Variants in PARVA observed in about 807,000 individuals in gnomAD.
PARVA encodes alpha-parvin.
A neutral mutation model predicts 52.6 loss-of-function variants in PARVA; 25 were observed. That is an observed-to-expected ratio of 0.48 (90% CI 0.35 to 0.66). The LOEUF (loss-of-function observed/expected upper bound fraction) is 0.66, where lower values mean the gene tolerates loss of function less well. Among genes scored for constraint, PARVA ranks in the 30% least tolerant of loss-of-function variants. PARVA has a pLI of 0.01. For synonymous variants in PARVA, 185 were observed against 179.1 expected, an observed-to-expected ratio of 1.03 and a Z score of -0.26; for missense variants, 373 against 450.9, an observed-to-expected ratio of 0.83 and a Z score of 1.56.
chr11:12,491,472 A>C (rs898216298), intron 4 of PARVA, among the ~76,000 whole-genome samples: 1 of 152,144 alleles, frequency 6.6e-6, no homozygotes, highest in African/African-American at 2.4e-5. Flanking sequence ...CCCAGCTGAG[A>C]TAGTTTTAAT....
At chr11:12,395,014 C>T (rs1286306597) in intron 1 of PARVA, among the ~76,000 whole-genome samples, 3 of 151,528 alleles carry the variant, frequency 2.0e-5, no homozygotes, top group Admixed American at 6.6e-5. Flanking sequence ...TCGCTTGAAC[C>T]CGGGAGGTGG....
chr11:12,418,512 G>A (rs1940102248), intron 1 of PARVA, among the ~76,000 whole-genome samples: 1 of 152,202 alleles, frequency 6.6e-6, no homozygotes, highest in African/African-American at 2.4e-5. Context: ...TTTAGCGGGT[G>A]GGTTGTTGGC....
intron 4 of PARVA, among the ~76,000 whole-genome samples, chr11:12,494,087 G>A (rs1322417683): frequency 6.6e-6 from 1 of 152,196 alleles, no homozygotes; most frequent in Non-Finnish European, 1.5e-5. Flanking sequence ...CTATTATAAA[G>A]GATAAAACTC....
Position 12,477,903 on chromosome 11 carries a change from C to G in PARVA, c.354C>G (p.Asp118Glu). The G allele has an allele frequency of 3.7e-6, 6 of 1,611,266 alleles. No individual in the cohort carries two copies. Among genetic ancestry groups the G allele is most frequent in the Non-Finnish European group, 5.1e-6 (6 of 1,177,498 alleles). The part of the protein sequence containing the change: ...VLVGERIIVK[D>E]LAEDLYDGQV... ...TTGGAGAAAGAATCATTGTGAAAGA[C>G]CTAGCTGAAGATTTGTATGATGGAC... The change falls in exon 4 of 13, where the codon GAC becomes GAG. Residue 118 changes from aspartate (D) to glutamate (E), a missense_variant. Coordinates refer to ENST00000334956, the MANE Select transcript of PARVA (RefSeq NM_018222.5).
chr11:12,442,281 G>A (rs1940477736), intron 1 of PARVA, among the ~76,000 whole-genome samples: 1 of 152,234 alleles, frequency 6.6e-6, no homozygotes, highest in Non-Finnish European at 1.5e-5. Context: ...AGCATCAAAT[G>A]GAGATCACAA....
chr11:12,470,213 C>T (rs1940914801), intron 1 of PARVA, among the ~76,000 whole-genome samples: 1 of 152,220 alleles, frequency 6.6e-6, no homozygotes, highest in Non-Finnish European at 1.5e-5. Context: ...ATAACCTGTG[C>T]AGTTGAAGGG....
intron 10 of PARVA, 146 bp from the exon 11 acceptor site, chr11:12,517,464 C>T: frequency 1.5e-6 from 1 of 650,030 alleles, no homozygotes; most frequent in Non-Finnish European, 2.8e-6. Flanking sequence ...ACCTCCTTGT[C>T]TCGGGCCACT....
At chr11:12,415,564 T>C (rs1940055311) in intron 1 of PARVA, among the ~76,000 whole-genome samples, 1 of 152,002 alleles carries the variant, frequency 6.6e-6, no homozygotes. Context: ...ATGGCCAGAC[T>C]TTACTCTCAA....
chr11:12,410,119 G>A (rs1564840574), intron 1 of PARVA, among the ~76,000 whole-genome samples: 2 of 152,298 alleles, frequency 1.3e-5, no homozygotes, highest in Non-Finnish European at 1.5e-5. Context: ...ATTGATCCAG[G>A]AGGGCAGGAG....
At chr11:12,480,977 A>G (rs957564473) in intron 4 of PARVA, among the ~76,000 whole-genome samples, 1 of 151,988 alleles carries the variant, frequency 6.6e-6, no homozygotes, top group Non-Finnish European at 1.5e-5. Flanking sequence ...CCCTCTGGCT[A>G]TTTTTCGTGT....
At chr11:12,427,061 A>G (rs1345296793) in intron 1 of PARVA, among the ~76,000 whole-genome samples, 1 of 152,254 alleles carries the variant, frequency 6.6e-6, no homozygotes, top group Non-Finnish European at 1.5e-5. Context: ...AGCAAACAGC[A>G]TGAGAAAGAA....
rs893371160 is a variant in PARVA, at chr11:12,534,122, C to T, written c.*6197C>T. ...GGCAGAGGTTGCAATGAGCTGAGAT[C>T]GCATCACTGCACTCAAGCCTGGGCA... On this transcript the variant is annotated 3_prime_UTR_variant, in exon 13 of 13. Transcript: ENST00000334956. Among the ~76,000 whole-genome samples, 2 of 152,032 alleles carry T rather than the reference C, an allele frequency of 1.3e-5. No individual in the cohort carries two copies. The highest frequency in any genetic ancestry group is 2.1e-4 in the South Asian group (1 of 4,822).
At chr11:12,504,864 ATACT>A (rs1589983656) in intron 6 of PARVA, among the ~76,000 whole-genome samples, 1 of 152,016 alleles carries the variant, frequency 6.6e-6, no homozygotes, top group Non-Finnish European at 1.5e-5. Flanking sequence ...TAAACAAATG[ATACT>A]TAGGTATGGG....
At chr11:12,400,768 A>G (rs1939815954) in intron 1 of PARVA, among the ~76,000 whole-genome samples, 1 of 152,130 alleles carries the variant, frequency 6.6e-6, no homozygotes, top group African/African-American at 2.4e-5. Context: ...GGAATTTCTG[A>G]CATATTTTTG....
chr11:12,474,062 C>G, intron 3 of PARVA, 79 bp downstream of exon 3: 2 of 1,090,084 alleles, frequency 1.8e-6, no homozygotes, highest in Non-Finnish European at 2.8e-6. Flanking sequence ...TGTGCAGGTA[C>G]CCCACGAGCC....
intron 4 of PARVA, among the ~76,000 whole-genome samples, chr11:12,489,429 C>T (rs769703121): frequency 6.6e-6 from 1 of 151,850 alleles, no homozygotes; most frequent in Non-Finnish European, 1.5e-5. Context: ...GAGAAATTAC[C>T]CAGAATCCAG....
In PARVA at chr11:12,528,799, T is replaced by C. The variant is rs1489187068; in HGVS notation, c.*874T>C. 7.2e-5 allele frequency: 11 copies of C among 152,156 alleles called. No homozygotes were observed. Among genetic ancestry groups the C allele is most frequent in the Non-Finnish European group, 4.4e-5 (3 of 68,024 alleles). 9.4% of individuals were successfully genotyped at this position (152,156 alleles called of 1,614,324 possible). A position where few individuals can be genotyped will look rare whatever the true frequency, so the allele number is the denominator to read the frequency against. ...CTCACATCCTTTGTACAAATGAAAA[T>C]TACTCTTAATTCCTTCAGATTTATA... On this transcript the variant is annotated 3_prime_UTR_variant, in exon 13 of 13. Coordinates refer to ENST00000334956, the MANE Select transcript of PARVA (RefSeq NM_018222.5).
rs1170960837 is a variant in PARVA at position 12,518,442 on chromosome 11, C to T, written c.970-3C>T. 6.2e-7 allele frequency: 1 copy of T among 1,612,722 alleles called. No homozygotes were observed. On this transcript the variant is annotated splice_region_variant and splice_polypyrimidine_tract_variant and intron_variant, in intron 11 of 12. Transcript: ENST00000334956. The stretch of plus-strand genomic sequence containing the variant: ...TACATGCTGTCTGCATCTCTCTTGC[C>T]AGGTCTTGAATGTCTCCTTTGCCTT...
chr11:12,421,188 A>G (rs1008515595), intron 1 of PARVA, among the ~76,000 whole-genome samples: 1 of 152,232 alleles, frequency 6.6e-6, no homozygotes, highest in African/African-American at 2.4e-5. Context: ...CCCAGCTACA[A>G]AAAGTTGCAC....
Sources: allele counts gnomAD v4.1 joint callset (sites outside exome capture counted in the v4.1 genomes callset), GRCh38; gene constraint gnomAD v4.1.1; transcripts MANE v1.5; gene names NCBI Gene and HGNC (gene_info 2026-07-23, HGNC 2026-07-21).